The following JMJD1C variants were observed in gnomAD, a reference collection of about 807,000 sequenced individuals.
JMJD1C encodes the protein jumonji domain containing 1C.
Under a neutral mutation model 245.3 loss-of-function variants are expected in JMJD1C, and 31 were observed. That is an observed-to-expected ratio of 0.13 (90% confidence interval 0.09 to 0.17). JMJD1C has a LOEUF of 0.17. Among genes scored for constraint, JMJD1C ranks in the 10% least tolerant of loss-of-function variants. The probability of loss-of-function intolerance (pLI) is 1.00; values close to 1 mark genes in which losing one functional copy is unlikely to be tolerated. For missense variants in JMJD1C, 2,691 were observed against 3,000.2 expected, an observed-to-expected ratio of 0.90 and a Z score of 2.41; for synonymous variants, 1,057 against 1,017.4, an observed-to-expected ratio of 1.04 and a Z score of -0.74.
At chr10:63,222,482 G>A (rs2133302539) in intron 3 of JMJD1C, 1 of 1,000,586 alleles carries the variant, frequency 1.0e-6, no homozygotes, top group Non-Finnish European at 1.6e-6. Context: ...AGTTGTGGCA[G>A]TAGGAGAATG....
At chr10:63,444,269 T>A (rs911890463) in intron 1 of JMJD1C, among the ~76,000 whole-genome samples, 2 of 151,928 alleles carry the variant, frequency 1.3e-5, no homozygotes, top group Admixed American at 6.6e-5. Flanking sequence ...ACATTTCTAT[T>A]TATTTATTTA....
intron 3 of JMJD1C, among the ~76,000 whole-genome samples, chr10:63,249,866 A>G (rs963705402): frequency 5.9e-5 from 9 of 152,056 alleles, no homozygotes; most frequent in Non-Finnish European, 2.9e-5. Context: ...TCTTAAAAAA[A>G]AAAAAAGAAA....
intron 1 of JMJD1C, among the ~76,000 whole-genome samples, chr10:63,503,030 G>C (rs1954609287): frequency 6.6e-6 from 1 of 152,194 alleles, no homozygotes; most frequent in Admixed American, 6.5e-5. Context: ...CCATTTTGCA[G>C]ATGGGGAAAC....
At chr10:63,519,294 T>G (rs980523685) in intron 1 of JMJD1C, among the ~76,000 whole-genome samples, 2 of 152,218 alleles carry the variant, frequency 1.3e-5, no homozygotes, top group African/African-American at 4.8e-5. Context: ...AAGGCATTAA[T>G]GTACTAGGAT....
At chr10:63,458,340 T>G (rs1325669567) in intron 1 of JMJD1C, among the ~76,000 whole-genome samples, 1 of 151,912 alleles carries the variant, frequency 6.6e-6, no homozygotes, top group South Asian at 2.1e-4. Context: ...AAAAAAAAAT[T>G]AGCCAGGCAT....
rs1841973456 is a variant in JMJD1C, at chr10:63,167,607, C to G, written c.*438G>C. 2 of 153,490 alleles carry G rather than the reference C, an allele frequency of 1.3e-5. No individual in the cohort carries two copies. The highest frequency in any genetic ancestry group is 2.9e-5 in the Non-Finnish European group (2 of 68,702). 9.5% of individuals were successfully genotyped at this position (153,490 alleles called of 1,614,324 possible). A position where few individuals can be genotyped will look rare whatever the true frequency, so the allele number is the denominator to read the frequency against. Reference sequence around the variant, plus strand: ...TGACTGCTGTGCGATTCAGCAATTTCCCAGATGCAGGCAATAGCTGGTGTT... The same window carrying G: ...TGACTGCTGTGCGATTCAGCAATTTGCCAGATGCAGGCAATAGCTGGTGTT... On this transcript the variant is annotated 3_prime_UTR_variant, in exon 26 of 26. Transcript: ENST00000399262.
chr10:63,348,077 G>C (rs1944008910), intron 2 of JMJD1C, among the ~76,000 whole-genome samples: 1 of 152,034 alleles, frequency 6.6e-6, no homozygotes, highest in Non-Finnish European at 1.5e-5. Flanking sequence ...TTAGCCAGGT[G>C]TGGTGGCGCA....
chr10:63,493,602 A>G (rs1383859347), intron 1 of JMJD1C, among the ~76,000 whole-genome samples: 1 of 152,052 alleles, frequency 6.6e-6, no homozygotes, highest in Non-Finnish European at 1.5e-5. Context: ...TTTTATAATA[A>G]AATTTTAAAT....
chr10:63,418,136 C>A (rs1949904723), intron 1 of JMJD1C, among the ~76,000 whole-genome samples: 1 of 152,122 alleles, frequency 6.6e-6, no homozygotes, highest in South Asian at 2.1e-4. Context: ...AGGTATGCAT[C>A]AGAACCTAAT....
At chr10:63,383,031 T>C (rs1947334272) in intron 1 of JMJD1C, among the ~76,000 whole-genome samples, 1 of 151,676 alleles carries the variant, frequency 6.6e-6, no homozygotes, top group African/African-American at 2.4e-5. Flanking sequence ...TCACTTAAGG[T>C]AGAACTGTTC....
At chr10:63,420,450 C>T (rs1045069956) in intron 1 of JMJD1C, among the ~76,000 whole-genome samples, 3 of 151,914 alleles carry the variant, frequency 2.0e-5, no homozygotes, top group East Asian at 3.9e-4. Context: ...GTAATCCCAG[C>T]AGTTTGGGAG....
chr10:63,459,196 T>G (rs1406974719), intron 1 of JMJD1C, among the ~76,000 whole-genome samples: 1 of 152,206 alleles, frequency 6.6e-6, no homozygotes, highest in East Asian at 1.9e-4. Context: ...AAATACTCAA[T>G]TCCTATTAAG....
At chr10:63,412,467 A>T (rs1011944853) in intron 1 of JMJD1C, among the ~76,000 whole-genome samples, 1 of 152,190 alleles carries the variant, frequency 6.6e-6, no homozygotes, top group South Asian at 2.1e-4. Context: ...TTTAGTGGAG[A>T]GGTCAACTAC....
At chr10:63,230,652 G>A (rs1423185288) in intron 3 of JMJD1C, among the ~76,000 whole-genome samples, 1 of 151,792 alleles carries the variant, frequency 6.6e-6, no homozygotes, top group Admixed American at 6.6e-5. Context: ...GCACACACTT[G>A]TAATCCCAGC....
intron 1 of JMJD1C, among the ~76,000 whole-genome samples, chr10:63,479,880 A>G (rs1400120755): frequency 6.6e-6 from 1 of 152,176 alleles, no homozygotes; most frequent in Non-Finnish European, 1.5e-5. Flanking sequence ...CCAGATTTCT[A>G]CTTTGAAAGA....
chr10:63,323,067 A>G (rs1941097457), intron 2 of JMJD1C, among the ~76,000 whole-genome samples: 1 of 152,090 alleles, frequency 6.6e-6, no homozygotes, highest in African/African-American at 2.4e-5. Flanking sequence ...AAGAGAGAAA[A>G]GGAAAGAACT....
intron 1 of JMJD1C, among the ~76,000 whole-genome samples, chr10:63,479,169 T>A (rs1207729957): frequency 6.6e-6 from 1 of 152,050 alleles, no homozygotes; most frequent in African/African-American, 2.4e-5. Flanking sequence ...CAGCTTTTTG[T>A]TTCAAAAATT....
At chr10:63,367,381 G>C (rs1945936099) in intron 2 of JMJD1C, among the ~76,000 whole-genome samples, 1 of 152,100 alleles carries the variant, frequency 6.6e-6, no homozygotes, top group Admixed American at 6.6e-5. Context: ...CGAGTAGCTA[G>C]GATTACAGGC....
intron 1 of JMJD1C, among the ~76,000 whole-genome samples, chr10:63,394,314 A>G (rs1348898500): frequency 6.6e-6 from 1 of 152,178 alleles, no homozygotes; most frequent in Admixed American, 6.5e-5. Context: ...TTTTTAAAAA[A>G]TGTGCAAAGG....
Sources: allele counts gnomAD v4.1 joint callset (sites outside exome capture counted in the v4.1 genomes callset), GRCh38; gene constraint gnomAD v4.1.1; transcripts MANE v1.5; gene names NCBI Gene and HGNC (gene_info 2026-07-23, HGNC 2026-07-21).